Variants in KCNT1 observed in about 807,000 individuals in gnomAD.
KCNT1 encodes the protein potassium channel subfamily T member 1.
Under a neutral mutation model 147.8 loss-of-function variants are expected in KCNT1, and 78 were observed. The observed-to-expected ratio is 0.53, with a 90% CI of 0.44 to 0.64. The LOEUF (loss-of-function observed/expected upper bound fraction) is 0.64, where lower values mean the gene tolerates loss of function less well. Ranked by LOEUF, KCNT1 falls within the 30% of genes least tolerant of loss-of-function variation. The pLI is 0.00. For synonymous variants in KCNT1, 867 were observed against 748.8 expected (o/e 1.16, Z -2.58); for missense variants, 1,419 against 1,750.3 (o/e 0.81, Z 3.38).
At chr9:135,757,836 G>C (rs1036086623) in intron 9 of KCNT1, among the ~76,000 whole-genome samples, 2 of 152,212 alleles carry the variant, frequency 1.3e-5, no homozygotes, top group African/African-American at 4.8e-5. Flanking sequence ...AATGGCAGCA[G>C]TCAGTTCCCT....
rs1388426825 is a variant in KCNT1 at position 135,792,800 on chromosome 9, A to G, written c.*639A>G. 3.3e-5 allele frequency: 5 copies of G among 152,220 alleles called. No homozygotes were observed. The highest frequency in any genetic ancestry group is 7.3e-5 in the Non-Finnish European group (5 of 68,066). 9.4% of individuals were successfully genotyped at this position (152,220 alleles called of 1,614,324 possible). ...CCCCCAGAGGGCCCTGTCGCCGAGGACCTTTCTGAAGGAAGCAGAAGACGC... is the reference window on the plus strand; with the variant it reads ...CCCCCAGAGGGCCCTGTCGCCGAGGGCCTTTCTGAAGGAAGCAGAAGACGC... On this transcript the variant is annotated 3_prime_UTR_variant, in exon 31 of 31. Coordinates refer to ENST00000371757, the MANE Select transcript of KCNT1 (RefSeq NM_020822.3).
chr9:135,783,765 C>T (rs1157143567), intron 24 of KCNT1, among the ~76,000 whole-genome samples: 3 of 152,276 alleles, frequency 2.0e-5, no homozygotes, highest in Non-Finnish European at 4.4e-5. Context: ...AGTCCACCTT[C>T]TCATCAGAGC....
In KCNT1 at chr9:135,793,851, G is replaced by T. The variant is rs62584779; in HGVS notation, c.*1690G>T. ...CCCAGGACCTTGATGGAGCGGCAGG[G>T]ATTGATGTTGGGCTAGGGTGGCCAG... On this transcript the variant is annotated 3_prime_UTR_variant, in exon 31 of 31. Transcript: ENST00000371757. 19,568 of 152,540 alleles carry T rather than the reference G, an allele frequency of 0.13. 1,505 individuals are homozygous for T. Among genetic ancestry groups the T allele is most frequent in the South Asian group, 0.18 (858 of 4,818 alleles). 9.4% of individuals were successfully genotyped at this position (152,540 alleles called of 1,614,324 possible).
At position 135,772,764 on chromosome 9, in the gene KCNT1, C is replaced by A; in HGVS notation, c.2058C>A (p.Ser686Arg). 6.8e-7 allele frequency: 1 copy of A among 1,476,730 alleles called. No homozygotes were observed. The highest frequency in any genetic ancestry group is 2.6e-5 in the East Asian group (1 of 39,134). The allele number at this position is 1,476,730 out of a possible 1,614,324, so 91.5% of individuals were successfully genotyped here. A position where few individuals can be genotyped will look rare whatever the true frequency, so the allele number is the denominator to read the frequency against. The part of the protein sequence containing the change: ...LQGTEHRPTQ[S>R]GGGGGGSKLA... Reference sequence around the variant, plus strand: ...GCACAGAGCACCGGCCTACGCAGAGCGGCGGTGGGGGCGGGGGCAGCAAGC... The same window carrying A: ...GCACAGAGCACCGGCCTACGCAGAGAGGCGGTGGGGGCGGGGGCAGCAAGC... Residue 686 changes from serine to arginine, a missense_variant, in exon 19 of 31, where the codon AGC (serine) becomes AGA (arginine). Physicochemically the swap from Ser to Arg is moderately radical, Grantham distance 110. Around this residue, in one of 5 missense-constraint regions of KCNT1, gnomAD observed 284 missense variants for 292.8 expected, o/e 0.97. Coordinates refer to ENST00000371757, the MANE Select transcript of KCNT1 (RefSeq NM_020822.3).
intron 1 of KCNT1, among the ~76,000 whole-genome samples, chr9:135,706,885 C>T (rs1371445394): frequency 1.3e-5 from 2 of 152,132 alleles, no homozygotes; most frequent in South Asian, 2.1e-4. Context: ...GGTACGGGCC[C>T]CTAGATGGAG....
At chr9:135,726,353 C>T (rs1028426571) in intron 2 of KCNT1, among the ~76,000 whole-genome samples, 38 of 152,060 alleles carry the variant, frequency 2.5e-4, no homozygotes, top group Non-Finnish European at 1.2e-4. Flanking sequence ...TGGATGAGGC[C>T]GTACCCCCAG....
intron 1 of KCNT1, among the ~76,000 whole-genome samples, chr9:135,709,422 A>G (rs1392155456): frequency 1.3e-5 from 2 of 152,124 alleles, no homozygotes; most frequent in Non-Finnish European, 2.9e-5. Context: ...CTCCTCGGCC[A>G]CAGATCAAAA....
At chr9:135,786,804 C>T (rs140727099) in intron 29 of KCNT1, among the ~76,000 whole-genome samples, 2 of 152,322 alleles carry the variant, frequency 1.3e-5, no homozygotes, top group African/African-American at 4.8e-5. Context: ...TGGTGTGAGC[C>T]CCGTAGGGAG....
At chr9:135,726,558 C>A (rs1836150575) in intron 2 of KCNT1, among the ~76,000 whole-genome samples, 1 of 152,062 alleles carries the variant, frequency 6.6e-6, no homozygotes, top group African/African-American at 2.4e-5. Context: ...AAGCCAAGTT[C>A]TGCTACGGAC....
At chr9:135,718,424 G>A (rs1432835264) in intron 2 of KCNT1, among the ~76,000 whole-genome samples, 1 of 152,228 alleles carries the variant, frequency 6.6e-6, no homozygotes, top group African/African-American at 2.4e-5. Context: ...GAGGGGAGGG[G>A]ACACTGGGAT....
intron 2 of KCNT1, 66 bp from the exon 3 acceptor site, chr9:135,750,032 C>A: frequency 7.6e-7 from 1 of 1,319,440 alleles, no homozygotes; most frequent in Non-Finnish European, 1.1e-6. Flanking sequence ...GGTTGGGGCT[C>A]CCGGCGTGTC....
At chr9:135,743,636 C>G (rs907121847) in intron 2 of KCNT1, among the ~76,000 whole-genome samples, 1 of 152,222 alleles carries the variant, frequency 6.6e-6, no homozygotes, top group Non-Finnish European at 1.5e-5. Flanking sequence ...TTCTCCTGGC[C>G]CCACCCCAGG....
At chr9:135,735,573 C>T (rs950848884) in intron 2 of KCNT1, among the ~76,000 whole-genome samples, 1 of 152,104 alleles carries the variant, frequency 6.6e-6, no homozygotes, top group African/African-American at 2.4e-5. Flanking sequence ...CAGCCGGCTC[C>T]GGGAGGGCTT....
At chr9:135,727,432 CT>C (rs539978284) in intron 2 of KCNT1, among the ~76,000 whole-genome samples, 284 of 127,802 alleles carry the variant, frequency 2.2e-3, no homozygotes, top group African/African-American at 7.2e-3. Flanking sequence ...TCTCTCCCCC[CT>C]CTCCCTCTCT....
At chr9:135,758,343 T>C in intron 9 of KCNT1, 71 bp from the exon 10 acceptor site, 1 of 1,164,038 alleles carries the variant, frequency 8.6e-7, no homozygotes, top group Non-Finnish European at 1.3e-6. Context: ...ACTGTCCTTC[T>C]AGTCTCTATT....
rs181658285 is a variant in KCNT1, at chr9:135,760,288, C to T, written c.1035+429C>T. Among the ~76,000 whole-genome samples the T allele has an allele frequency of 6.5e-3, 985 of 152,332 alleles. 7 individuals carry two copies. The highest frequency in any genetic ancestry group is 0.022 in the African/African-American group (931 of 41,580). ...CTTCCCCGTCACCACTGCTGTGGCCCACTGCCCACTGAGCAGAGGAGGGGA... is the reference window on the plus strand; with the variant it reads ...CTTCCCCGTCACCACTGCTGTGGCCTACTGCCCACTGAGCAGAGGAGGGGA... On this transcript the variant is annotated intron_variant, in intron 11 of 30. Transcript: ENST00000371757.
chr9:135,730,990 T>TGAAA lies in KCNT1; in HGVS notation c.254+16270_254+16271insGAAA, dbSNP rs1554766004. 4.7e-4 allele frequency among the ~76,000 whole-genome samples: 40 copies of TGAAA among 85,594 alleles called. No individual in the cohort carries two copies. The highest frequency in any genetic ancestry group is 6.8e-4 in the African/African-American group (15 of 22,080). 56.2% of individuals were successfully genotyped at this position (85,594 alleles called of 152,430 possible). ...AACAAAGTGAGATCCCGTCTCAAGG[T>TGAAA]AAAAAAAAAAAAAAAAAAAAAAAGT... On this transcript the variant is annotated intron_variant, in intron 2 of 30. Coordinates refer to ENST00000371757, the MANE Select transcript of KCNT1 (RefSeq NM_020822.3). The surrounding 1 kb of genome is among the most constrained non-coding windows in gnomAD (Gnocchi z 4.7).
chr9:135,722,603 G>C (rs1419201594), intron 2 of KCNT1, among the ~76,000 whole-genome samples: 1 of 152,192 alleles, frequency 6.6e-6, no homozygotes, highest in Non-Finnish European at 1.5e-5. Flanking sequence ...CCACAGACCC[G>C]GCAGCCTCAG....
intron 2 of KCNT1, among the ~76,000 whole-genome samples, chr9:135,723,281 CCAAAAG>C (rs1835998048): frequency 6.6e-6 from 1 of 152,214 alleles, no homozygotes; most frequent in African/African-American, 2.4e-5. Context: ...CCACCAGGTC[CCAAAAG>C]CAAAAGCGTT....
Sources: gnomAD v4.1 joint callset for allele counts (sites outside exome capture counted in the v4.1 genomes callset) on GRCh38, gnomAD v4.1.1 for gene constraint, gnomAD v4.1.1 regional missense constraint, Gnocchi (gnomAD v3.1) non-coding constraint, MANE v1.5 for transcripts, NCBI Gene and HGNC (gene_info 2026-07-23, HGNC 2026-07-21) for gene names.